The following CHST9 variants were observed in gnomAD, a reference collection of about 807,000 sequenced individuals.
CHST9 encodes carbohydrate sulfotransferase 9, also known as GalNAc-4-sulfotransferase 2.
In CHST9, 41 loss-of-function variants were observed where a neutral mutation model predicts 44.4. That is an observed-to-expected ratio of 0.92 (90% CI 0.72 to 1.20). The LOEUF (loss-of-function observed/expected upper bound fraction) is 1.20. Among genes scored for constraint, CHST9 ranks in the 50% most tolerant of loss-of-function variants. CHST9 has a pLI of 0.00. For missense variants in CHST9, 504 were observed against 516.5 expected (o/e 0.98, Z 0.23); for synonymous variants, 171 against 178.4 (o/e 0.96, Z 0.33).
intron 4 of CHST9, among the ~76,000 whole-genome samples, chr18:27,006,318 G>T (rs2057015199): frequency 6.6e-6 from 1 of 152,096 alleles, no homozygotes. Context: ...TTTATACACT[G>T]GGTGTGGAGA....
At chr18:26,954,272 G>A (rs2056292023) in intron 4 of CHST9, among the ~76,000 whole-genome samples, 2 of 152,156 alleles carry the variant, frequency 1.3e-5, no homozygotes, top group Non-Finnish European at 2.9e-5. Context: ...CAATGACAGG[G>A]TGGGGAACAG....
At chr18:26,970,111 A>G (rs1341634974) in intron 4 of CHST9, among the ~76,000 whole-genome samples, 1 of 152,168 alleles carries the variant, frequency 6.6e-6, no homozygotes, top group Non-Finnish European at 1.5e-5. Context: ...CAGTGAGATT[A>G]TCATGTCTGC....
chr18:27,137,068 TC>T (rs1330529849), intron 2 of CHST9, among the ~76,000 whole-genome samples: 2 of 152,138 alleles, frequency 1.3e-5, no homozygotes, highest in Admixed American at 6.5e-5. Flanking sequence ...GAGCTCTCTG[TC>T]CATACAGAGT....
At chr18:27,142,608 TTA>T in intron 2 of CHST9, 79 bp downstream of exon 2, 1 of 946,948 alleles carries the variant, frequency 1.1e-6, no homozygotes. Context: ...TCTCAATATA[TTA>T]ATAAGCATCA....
intron 2 of CHST9, among the ~76,000 whole-genome samples, chr18:27,142,405 T>G (rs554035720): frequency 6.6e-6 from 1 of 152,350 alleles, no homozygotes; most frequent in South Asian, 2.1e-4. Context: ...AATGCTATAC[T>G]TTTGGAGACA....
At chr18:27,177,724 G>A (rs910372743) in intron 1 of CHST9, among the ~76,000 whole-genome samples, 3 of 151,916 alleles carry the variant, frequency 2.0e-5, no homozygotes, top group African/African-American at 7.2e-5. Context: ...GCAAAAGGAG[G>A]CACTCTGAAC....
intron 3 of CHST9, 63 bp from the exon 4 acceptor site, chr18:27,024,220 T>C (rs1430131425): frequency 7.1e-7 from 1 of 1,411,992 alleles, no homozygotes; most frequent in Non-Finnish European, 9.8e-7. Context: ...TTATAAAACT[T>C]TCTACACAAA....
intron 1 of CHST9, among the ~76,000 whole-genome samples, chr18:27,183,992 C>T (rs2058934553): frequency 6.6e-6 from 1 of 151,970 alleles, no homozygotes; most frequent in African/African-American, 2.4e-5. Flanking sequence ...GTCCTTCAAA[C>T]CGAGAGGAAT....
chr18:27,067,511 A>G (rs896837340), intron 2 of CHST9, among the ~76,000 whole-genome samples: 11 of 152,316 alleles, frequency 7.2e-5, no homozygotes, highest in African/African-American at 1.9e-4. Context: ...GGATTCAACG[A>G]CTAACTCAAT....
At chr18:27,183,845 T>G (rs1598787726) in intron 1 of CHST9, among the ~76,000 whole-genome samples, 1 of 152,156 alleles carries the variant, frequency 6.6e-6, no homozygotes, top group Non-Finnish European at 1.5e-5. Flanking sequence ...TATCCTCACG[T>G]TGGTTGGCAG....
chr18:27,019,689 C>CAAAAAAAA (rs60043018), intron 4 of CHST9, among the ~76,000 whole-genome samples: 27 of 91,254 alleles, frequency 3.0e-4, no homozygotes, highest in Non-Finnish European at 4.2e-4. Context: ...CACTACATGG[C>CAAAAAAAA]AAAAAAAAAA....
At chr18:27,129,879 T>C (rs1209681012) in intron 2 of CHST9, among the ~76,000 whole-genome samples, 1 of 152,012 alleles carries the variant, frequency 6.6e-6, no homozygotes, top group Non-Finnish European at 1.5e-5. Context: ...GTGCATCTAG[T>C]TGCTAAACTT....
At chr18:26,988,193 G>A (rs1383225341) in intron 4 of CHST9, among the ~76,000 whole-genome samples, 1 of 152,130 alleles carries the variant, frequency 6.6e-6, no homozygotes, top group Non-Finnish European at 1.5e-5. Context: ...CAAGGAGATA[G>A]TATTTAAATT....
chr18:27,077,909 T>C (rs1461163541), intron 2 of CHST9, among the ~76,000 whole-genome samples: 5 of 152,042 alleles, frequency 3.3e-5, no homozygotes, highest in Admixed American at 2.6e-4. Flanking sequence ...TCAGGAAACT[T>C]ACAATCATGG....
At chr18:27,140,699 C>G (rs1288287848) in intron 2 of CHST9, among the ~76,000 whole-genome samples, 1 of 152,044 alleles carries the variant, frequency 6.6e-6, no homozygotes, top group African/African-American at 2.4e-5. Context: ...ATTCATTCAA[C>G]AAAAACTTAC....
At chr18:27,080,774 C>A (rs1180868979) in intron 2 of CHST9, among the ~76,000 whole-genome samples, 1 of 152,134 alleles carries the variant, frequency 6.6e-6, no homozygotes, top group Non-Finnish European at 1.5e-5. Flanking sequence ...CAGAATGCAG[C>A]TCAACTGTCA....
chr18:27,092,051 T>C (rs1178666247), intron 2 of CHST9, among the ~76,000 whole-genome samples: 1 of 152,200 alleles, frequency 6.6e-6, no homozygotes, highest in Non-Finnish European at 1.5e-5. Context: ...TCTGGTAGAA[T>C]TCAGCTATGA....
chr18:27,047,883 A>G (rs931101346), intron 3 of CHST9, among the ~76,000 whole-genome samples: 34 of 152,168 alleles, frequency 2.2e-4, no homozygotes, highest in African/African-American at 8.2e-4. Flanking sequence ...TTAAGCTAAA[A>G]GGCAAGTCAT....
intron 4 of CHST9, among the ~76,000 whole-genome samples, chr18:26,980,162 G>A (rs757813371): frequency 1.3e-5 from 2 of 152,040 alleles, no homozygotes; most frequent in African/African-American, 2.4e-5. Context: ...TGTCTCCTCT[G>A]TGCTTCTATA....
Sources: gnomAD v4.1 joint callset for allele counts (sites outside exome capture counted in the v4.1 genomes callset) on GRCh38, gnomAD v4.1.1 for gene constraint, MANE v1.5 for transcripts, NCBI Gene and HGNC (gene_info 2026-07-23, HGNC 2026-07-21) for gene names.